The following KIF27 variants were observed in gnomAD, a reference collection of about 807,000 sequenced individuals.
KIF27 encodes the protein kinesin family member 27.
A neutral mutation model predicts 141.8 loss-of-function variants in KIF27; 84 were observed. That is an observed-to-expected ratio of 0.59 (90% CI 0.50 to 0.71). The LOEUF (loss-of-function observed/expected upper bound fraction) is 0.71, where lower values mean the gene tolerates loss of function less well. Among genes scored for constraint, KIF27 ranks in the 30% least tolerant of loss-of-function variants. The pLI, the probability that KIF27 is intolerant of heterozygous loss-of-function variation, is 0.00. For missense variants in KIF27, 1,306 were observed against 1,628.4 expected, an observed-to-expected ratio of 0.80 and a Z score of 3.41; for synonymous variants, 471 against 569.5, an observed-to-expected ratio of 0.83 and a Z score of 2.46.
At chr9:83,909,522 G>A (rs948293754) in intron 2 of KIF27, among the ~76,000 whole-genome samples, 2 of 150,950 alleles carry the variant, frequency 1.3e-5, no homozygotes, top group African/African-American at 2.4e-5. Context: ...GCTAAGGCAA[G>A]AGAATCACTT....
chr9:83,904,559 T>TG (rs1312522357), intron 3 of KIF27, among the ~76,000 whole-genome samples: 1 of 152,078 alleles, frequency 6.6e-6, no homozygotes, highest in East Asian at 1.9e-4. Context: ...TTAGTAGAGA[T>TG]GGGGTTTCAC....
intron 13 of KIF27, among the ~76,000 whole-genome samples, chr9:83,866,767 T>G (rs1950385705): frequency 1.3e-5 from 2 of 151,870 alleles, no homozygotes; most frequent in South Asian, 4.2e-4. Flanking sequence ...TCCGAGCTAC[T>G]CGGGAGACTG....
At chr9:83,900,951 A>G (rs1953818681) in intron 4 of KIF27, among the ~76,000 whole-genome samples, 1 of 151,770 alleles carries the variant, frequency 6.6e-6, no homozygotes, top group Non-Finnish European at 1.5e-5. Context: ...TTTTTATGCT[A>G]TTATTTATTT....
intron 17 of KIF27, among the ~76,000 whole-genome samples, chr9:83,839,417 A>C (rs1337192135): frequency 6.6e-6 from 1 of 152,164 alleles, no homozygotes; most frequent in Non-Finnish European, 1.5e-5. Flanking sequence ...TGACTCTATT[A>C]TCCTTACATA....
chr9:83,886,474 T>C (rs1373727619), intron 9 of KIF27, among the ~76,000 whole-genome samples: 1 of 152,144 alleles, frequency 6.6e-6, no homozygotes, highest in Non-Finnish European at 1.5e-5. Flanking sequence ...TGAAGACTTC[T>C]CTTGAATAGC....
At chr9:83,847,941 T>A (rs1468419051) in intron 16 of KIF27, 2 of 141,732 alleles carry the variant, frequency 1.4e-5, no homozygotes, top group Non-Finnish European at 3.0e-5. Context: ...CCCCTTTATG[T>A]TTATATATAT....
At chr9:83,860,396 A>G (rs1349073218) in intron 13 of KIF27, among the ~76,000 whole-genome samples, 2 of 152,186 alleles carry the variant, frequency 1.3e-5, no homozygotes. Flanking sequence ...CTGACTATGT[A>G]TTATGGGAGA....
At chr9:83,870,236 G>A (rs1324359114) in intron 12 of KIF27, among the ~76,000 whole-genome samples, 2 of 151,496 alleles carry the variant, frequency 1.3e-5, no homozygotes, top group African/African-American at 2.4e-5. Context: ...GCATGGTCTC[G>A]GCTCACTGCA....
chr9:83,836,420 A>G lies in KIF27; in HGVS notation c.*581T>C, dbSNP rs992330092. Among the ~76,000 whole-genome samples the G allele has an allele frequency of 6.6e-6, 1 of 152,160 alleles. No individual in the cohort carries two copies. The highest frequency in any genetic ancestry group is 2.4e-5 in the African/African-American group (1 of 41,422). ...AGCATTATAAATTTTTAAAAATCCA[A>G]AAAAATTCCAGAAACAGAACAGTGA... On this transcript the variant is annotated 3_prime_UTR_variant, in exon 18 of 18. Transcript: ENST00000297814.
chr9:83,904,026 T>C lies in KIF27; in HGVS notation c.500-8A>G. ...CCTTGGCCCCAACAATCACTTAAAA[T>C]AGTAATAACATGTTTTTAAGCCAAG... On this transcript the variant is annotated splice_region_variant and splice_polypyrimidine_tract_variant and intron_variant, in intron 3 of 17. Transcript: ENST00000297814. 1 of 1,575,884 alleles carries C rather than the reference T, an allele frequency of 6.3e-7. No individual in the cohort carries two copies. The highest frequency in any genetic ancestry group is 8.6e-7 in the Non-Finnish European group (1 of 1,161,002).
intron 5 of KIF27, among the ~76,000 whole-genome samples, chr9:83,893,831 T>A (rs1952914182): frequency 6.6e-6 from 1 of 152,014 alleles, no homozygotes; most frequent in Admixed American, 6.6e-5. Flanking sequence ...AAGTCAAAAA[T>A]TGTCTCTTTG....
intron 1 of KIF27, among the ~76,000 whole-genome samples, chr9:83,920,602 T>G (rs917626930): frequency 1.3e-5 from 2 of 151,994 alleles, no homozygotes; most frequent in Non-Finnish European, 2.9e-5. Context: ...AACTTGCCAG[T>G]AGATGGACAG....
chr9:83,901,121 G>C (rs950979414), intron 4 of KIF27, among the ~76,000 whole-genome samples: 14 of 152,010 alleles, frequency 9.2e-5, no homozygotes, highest in African/African-American at 3.4e-4. Context: ...ACCATGCCTG[G>C]CTAGTTTTTT....
intron 16 of KIF27, among the ~76,000 whole-genome samples, chr9:83,848,146 C>CTGATATATCATATATA (rs1947715909): frequency 2.2e-5 from 1 of 44,780 alleles, no homozygotes; most frequent in Non-Finnish European, 4.1e-5. Flanking sequence ...TATGATATAT[C>CTGATATATCATATATA]TGATATATCA....
Position 83,848,077 on chromosome 9 carries a change from G to GATATATCATATAT in KIF27, c.3556+2009_3556+2021dup, listed in dbSNP as rs1947602045. Reference sequence around the variant, plus strand: ...TCTATATATCATATATATGATATATGATATATCATATATATGATATATATG... The same window carrying GATATATCATATAT: ...TCTATATATCATATATATGATATATGATATATCATATATATATATCATATATATGATATATATG... On this transcript the variant is annotated intron_variant, in intron 16 of 17. Transcript: ENST00000297814. Among the ~76,000 whole-genome samples the GATATATCATATAT allele has an allele frequency of 3.0e-4, 23 of 76,544 alleles. 5 individuals carry two copies. 50.2% of individuals were successfully genotyped at this position (76,544 alleles called of 152,430 possible). A position where few individuals can be genotyped will look rare whatever the true frequency, so the allele number is the denominator to read the frequency against.
At position 83,915,305 on chromosome 9, in the gene KIF27, C is replaced by G; in HGVS notation, c.287G>C (p.Gly96Ala). 3 of 1,599,756 alleles carry G rather than the reference C, an allele frequency of 1.9e-6. No homozygotes were observed. The highest frequency in any genetic ancestry group is 1.7e-6 in the Non-Finnish European group (2 of 1,173,730). ...TGSGKTYTIG[G>A]GHIASVVEGQ... ...TATAAGAATCTTACCAATATGGCCC[C>G]CTCCAATGGTGTATGTCTTCCCAGA... Residue 96 changes from glycine to alanine, a missense_variant, in exon 2 of 18, where the codon GGG becomes GCG. Physicochemically the swap from Gly to Ala is moderately conservative, Grantham distance 60 (BLOSUM62 0). This residue lies in a region of KIF27 where 533 missense variants were observed against 565.6 expected (regional missense o/e 0.94). Transcript: ENST00000297814.
rs559811537 is a variant in KIF27 at position 83,852,322 on chromosome 9, G to A, written c.3357+1307C>T. Among the ~76,000 whole-genome samples, 14 of 149,608 alleles carry A rather than the reference G, an allele frequency of 9.4e-5. 1 individual carries two copies. Among genetic ancestry groups the A allele is most frequent in the African/African-American group, 2.7e-4 (11 of 40,616 alleles). On this transcript the variant is annotated intron_variant, in intron 15 of 17. Transcript: ENST00000297814. ...AAAAAAATTAGCCAGGTGTGGTGGC[G>A]GGCATTTGTAGTCCCAGCTACTCAG... is the stretch of plus-strand genomic sequence containing the variant.
chr9:83,914,211 C>CA (rs374605136), intron 2 of KIF27, among the ~76,000 whole-genome samples: 28,626 of 126,924 alleles, frequency 0.23, 3,428 homozygotes, highest in Non-Finnish European at 0.29. Flanking sequence ...ATTTGCCAAT[C>CA]AAAAAAAAAA....
intron 13 of KIF27, among the ~76,000 whole-genome samples, chr9:83,861,785 A>G (rs1474524127): frequency 6.6e-6 from 1 of 151,408 alleles, no homozygotes; most frequent in Non-Finnish European, 1.5e-5. Flanking sequence ...ACTAGTTTAC[A>G]GTCCCACCAA....
Sources: gnomAD v4.1 joint callset for allele counts (sites outside exome capture counted in the v4.1 genomes callset) on GRCh38, gnomAD v4.1.1 for gene constraint, gnomAD v4.1.1 regional missense constraint, MANE v1.5 for transcripts, NCBI Gene and HGNC (gene_info 2026-07-23, HGNC 2026-07-21) for gene names.